Variants in FARS2 observed in about 807,000 individuals in gnomAD.
The protein encoded by FARS2 is phenylalanyl-tRNA synthetase 2, mitochondrial.
Under a neutral mutation model 46.4 loss-of-function variants are expected in FARS2, and 40 were observed. That is an observed-to-expected ratio of 0.86 (90% confidence interval 0.67 to 1.12). The LOEUF (loss-of-function observed/expected upper bound fraction) is 1.12, where lower values mean the gene tolerates loss of function less well. Among genes scored for constraint, FARS2 ranks in the 50% most tolerant of loss-of-function variants. The pLI is 0.00. For synonymous variants in FARS2, 234 were observed against 214.9 expected (o/e 1.09, Z -0.78); for missense variants, 513 against 567.9 (o/e 0.90, Z 0.98).
intron 4 of FARS2, among the ~76,000 whole-genome samples, chr6:5,489,475 CA>C (rs1318151184): frequency 5.9e-5 from 9 of 152,132 alleles, no homozygotes; most frequent in African/African-American, 1.9e-4. Context: ...TAAAATAAGA[CA>C]ATCATCAGAT....
intron 4 of FARS2, among the ~76,000 whole-genome samples, chr6:5,439,782 A>G (rs1275156946): frequency 2.0e-5 from 3 of 152,196 alleles, no homozygotes; most frequent in Non-Finnish European, 4.4e-5. Context: ...GAGGCCAGTT[A>G]GTTGAGATTG....
chr6:5,326,213 T>C (rs1257043733), intron 1 of FARS2, among the ~76,000 whole-genome samples: 1 of 100,598 alleles, frequency 9.9e-6, no homozygotes, highest in African/African-American at 3.3e-5. Flanking sequence ...AGAGCCTGCT[T>C]TGCCTCCTGT....
chr6:5,509,155 G>A (rs534822624), intron 4 of FARS2, among the ~76,000 whole-genome samples: 43 of 152,192 alleles, frequency 2.8e-4, no homozygotes, highest in Admixed American at 9.2e-4. Flanking sequence ...GAGAATAGAC[G>A]TAGACATTAG....
At chr6:5,684,300 C>T (rs1227120313) in intron 6 of FARS2, among the ~76,000 whole-genome samples, 1 of 152,186 alleles carries the variant, frequency 6.6e-6, no homozygotes, top group Non-Finnish European at 1.5e-5. Flanking sequence ...CGGCCCCTCA[C>T]CTGGTTCTGC....
intron 6 of FARS2, among the ~76,000 whole-genome samples, chr6:5,766,249 A>T (rs1762743216): frequency 6.6e-6 from 1 of 152,150 alleles, no homozygotes; most frequent in South Asian, 2.1e-4. Context: ...TGCCTGCGTG[A>T]GTTGGGGGAG....
intron 6 of FARS2, among the ~76,000 whole-genome samples, chr6:5,717,004 T>C (rs535681080): frequency 6.6e-6 from 1 of 152,338 alleles, no homozygotes; most frequent in East Asian, 1.9e-4. Context: ...TGTGATCTAA[T>C]ACTAATAGAC....
At chr6:5,444,794 A>G (rs905092804) in intron 4 of FARS2, among the ~76,000 whole-genome samples, 5 of 150,546 alleles carry the variant, frequency 3.3e-5, no homozygotes, top group African/African-American at 4.9e-5. Flanking sequence ...GCGGGGGGGA[A>G]CTGACCTAAT....
chr6:5,502,836 G>T (rs1310207408), intron 4 of FARS2, among the ~76,000 whole-genome samples: 4 of 152,112 alleles, frequency 2.6e-5, no homozygotes, highest in Non-Finnish European at 4.4e-5. Flanking sequence ...AAGTGATCCT[G>T]CCAATTTTAT....
At chr6:5,577,656 C>CTAAA (rs1304155232) in intron 5 of FARS2, among the ~76,000 whole-genome samples, 1 of 152,044 alleles carries the variant, frequency 6.6e-6, no homozygotes, top group Non-Finnish European at 1.5e-5. Flanking sequence ...AAACTGCTTA[C>CTAAA]TAAAACTATA....
chr6:5,701,287 T>C (rs1445844842), intron 6 of FARS2, among the ~76,000 whole-genome samples: 3 of 152,218 alleles, frequency 2.0e-5, no homozygotes, highest in Non-Finnish European at 4.4e-5. Flanking sequence ...GTCAAACACA[T>C]GAAAAGCCGG....
intron 5 of FARS2, among the ~76,000 whole-genome samples, chr6:5,572,350 A>G (rs1772705515): frequency 6.6e-6 from 1 of 152,094 alleles, no homozygotes; most frequent in African/African-American, 2.4e-5. Context: ...ACCAGATCTC[A>G]CAAGAATTCA....
chr6:5,599,639 A>G (rs1197248601), intron 5 of FARS2, among the ~76,000 whole-genome samples: 4 of 152,226 alleles, frequency 2.6e-5, no homozygotes, highest in Non-Finnish European at 2.9e-5. Flanking sequence ...TAAGGTCTGT[A>G]ATTCAGTGGT....
intron 4 of FARS2, among the ~76,000 whole-genome samples, chr6:5,440,444 T>G (rs573968984): frequency 6.6e-6 from 1 of 152,352 alleles, no homozygotes; most frequent in South Asian, 2.1e-4. Context: ...TTGTTGACAA[T>G]AACATTTTTA....
intron 4 of FARS2, among the ~76,000 whole-genome samples, chr6:5,488,591 T>G (rs1455493395): frequency 6.7e-6 from 1 of 149,944 alleles, no homozygotes; most frequent in Non-Finnish European, 1.5e-5. Flanking sequence ...GATTTTTGTT[T>G]ATTTGCTGTA....
At chr6:5,744,761 C>T (rs189700604) in intron 6 of FARS2, among the ~76,000 whole-genome samples, 3 of 152,324 alleles carry the variant, frequency 2.0e-5, no homozygotes, top group Admixed American at 6.5e-5. Context: ...CCGTGATTGG[C>T]GCATAGCCAA....
chr6:5,303,691 A>G (rs934530464), intron 1 of FARS2, among the ~76,000 whole-genome samples: 1 of 151,956 alleles, frequency 6.6e-6, no homozygotes, highest in Non-Finnish European at 1.5e-5. Context: ...CTTGCCACAG[A>G]CATTTCTCAT....
At chr6:5,489,561 T>C (rs1480294633) in intron 4 of FARS2, among the ~76,000 whole-genome samples, 2 of 152,216 alleles carry the variant, frequency 1.3e-5, no homozygotes, top group East Asian at 3.8e-4. Context: ...TTCTCTTTCA[T>C]CTCCAGTCAG....
At chr6:5,504,342 C>G (rs1767979327) in intron 4 of FARS2, among the ~76,000 whole-genome samples, 1 of 149,234 alleles carries the variant, frequency 6.7e-6, no homozygotes, top group South Asian at 2.1e-4. Flanking sequence ...AGAGCTTGAT[C>G]TTGCTAAAGT....
At chr6:5,431,880 T>G in intron 4 of FARS2, 1 of 259,316 alleles carries the variant, frequency 3.9e-6, no homozygotes, top group East Asian at 8.7e-5. Context: ...CTATCTGAAT[T>G]GAGTAATTTT....
Sources: allele counts gnomAD v4.1 joint callset (sites outside exome capture counted in the v4.1 genomes callset), GRCh38; gene constraint gnomAD v4.1.1; transcripts MANE v1.5; gene names NCBI Gene and HGNC (gene_info 2026-07-23, HGNC 2026-07-21).